RFTN2: variants seen among roughly 807,000 people sequenced by gnomAD.
RFTN2 encodes the protein raftlin family member 2.
A neutral mutation model predicts 52.7 loss-of-function variants in RFTN2; 34 were observed. That is an observed-to-expected ratio of 0.64 (90% CI 0.49 to 0.86). RFTN2 has a LOEUF of 0.86. RFTN2 is among the 40% of genes least tolerant of loss of function. The pLI, the probability that RFTN2 is intolerant of heterozygous loss-of-function variation, is 0.00. For synonymous variants in RFTN2, 203 were observed against 217.7 expected, an observed-to-expected ratio of 0.93 and a Z score of 0.59; for missense variants, 536 against 600.1, an observed-to-expected ratio of 0.89 and a Z score of 1.12.
chr2:197,654,892 G>T (rs1305626912), intron 1 of RFTN2, among the ~76,000 whole-genome samples: 1 of 152,096 alleles, frequency 6.6e-6, no homozygotes, highest in African/African-American at 2.4e-5. Flanking sequence ...ACTTACTCTG[G>T]AGGCTGAGAT....
chr2:197,608,623 CTTTTTTTTTTT>C (rs57681105), intron 7 of RFTN2, among the ~76,000 whole-genome samples: 9 of 99,514 alleles, frequency 9.0e-5, no homozygotes, highest in African/African-American at 3.7e-4. Flanking sequence ...TGGGACCAGA[CTTTTTTTTTTT>C]TTTTTTTTTT....
intron 5 of RFTN2, among the ~76,000 whole-genome samples, chr2:197,625,663 T>TCTCTCCTCTCCTCTCCTCTCCTCTC (rs745983424): frequency 8.4e-5 from 4 of 47,410 alleles, no homozygotes; most frequent in African/African-American, 2.7e-4. Flanking sequence ...AAGAAATTCC[T>TCTCTCCTCTCCTCTCCTCTCCTCTC]CTCTCCTCTC....
intron 8 of RFTN2, among the ~76,000 whole-genome samples, chr2:197,577,915 C>T (rs2087445343): frequency 6.6e-6 from 1 of 152,120 alleles, no homozygotes; most frequent in Non-Finnish European, 1.5e-5. Flanking sequence ...TGGGATTTTG[C>T]CATGTTGGCC....
intron 8 of RFTN2, among the ~76,000 whole-genome samples, chr2:197,578,428 A>G (rs2087453773): frequency 6.6e-6 from 1 of 152,150 alleles, no homozygotes; most frequent in Admixed American, 6.5e-5. Context: ...CTCTGAGCCC[A>G]AGCCTGCATG....
chr2:197,672,182 A>G (rs1273647093), intron 1 of RFTN2, among the ~76,000 whole-genome samples: 1 of 152,224 alleles, frequency 6.6e-6, no homozygotes, highest in African/African-American at 2.4e-5. Flanking sequence ...CAGTTGGTAG[A>G]CTTGGCATAA....
chr2:197,663,954 C>G (rs1453288817), intron 1 of RFTN2, among the ~76,000 whole-genome samples: 1 of 152,042 alleles, frequency 6.6e-6, no homozygotes, highest in South Asian at 2.1e-4. Flanking sequence ...TACTTAGTAT[C>G]ACTTTTGTTG....
intron 8 of RFTN2, 116 bp from the exon 9 acceptor site, chr2:197,572,396 A>C (rs2087333944): frequency 3.0e-6 from 3 of 991,930 alleles, no homozygotes; most frequent in Non-Finnish European, 4.6e-6. Flanking sequence ...CCAGCTCTTC[A>C]AAATCCTGCT....
Position 197,631,016 on chromosome 2 carries a change from G to GCC in RFTN2, c.922_923insGG (p.Ser308TrpfsTer36). On this transcript the variant is annotated frameshift_variant, in exon 5 of 9. Coordinates refer to ENST00000295049, the MANE Select transcript of RFTN2 (RefSeq NM_144629.3). LOFTEE classifies it high-confidence loss of function. ...ATCATTAACATAAAACTTACCTTTAGATGTTTCCCAGAATACAAAAGAATC... is the reference window on the plus strand; with the variant it reads ...ATCATTAACATAAAACTTACCTTTAGCCATGTTTCCCAGAATACAAAAGAATC... 1 of 1,585,228 alleles carries GCC rather than the reference G, an allele frequency of 6.3e-7. No homozygotes were observed. The highest frequency in any genetic ancestry group is 8.7e-7 in the Non-Finnish European group (1 of 1,155,658).
chr2:197,623,852 C>T (rs779546215), intron 5 of RFTN2, among the ~76,000 whole-genome samples: 24 of 152,058 alleles, frequency 1.6e-4, no homozygotes, highest in Non-Finnish European at 8.8e-5. Flanking sequence ...TTAGTAGAGA[C>T]AGGGTTTCAC....
chr2:197,575,539 C>T (rs1332204420), intron 8 of RFTN2, among the ~76,000 whole-genome samples: 1 of 151,942 alleles, frequency 6.6e-6, no homozygotes, highest in Non-Finnish European at 1.5e-5. Flanking sequence ...TTACTGAGGG[C>T]AGAGAATGCT....
intron 1 of RFTN2, among the ~76,000 whole-genome samples, chr2:197,653,353 T>A (rs1273206546): frequency 6.6e-6 from 1 of 152,106 alleles, no homozygotes; most frequent in African/African-American, 2.4e-5. Flanking sequence ...GTCTTTCAAC[T>A]GTGCAAAATA....
At chr2:197,589,847 T>G (rs1229709107) in intron 8 of RFTN2, among the ~76,000 whole-genome samples, 2 of 152,182 alleles carry the variant, frequency 1.3e-5, no homozygotes, top group African/African-American at 4.8e-5. Flanking sequence ...AACAAAAGTT[T>G]TATATTTTGA....
intron 1 of RFTN2, among the ~76,000 whole-genome samples, chr2:197,675,052 A>G (rs1293701444): frequency 6.6e-6 from 1 of 152,208 alleles, no homozygotes; most frequent in Admixed American, 6.5e-5. Flanking sequence ...AAATCCTTCT[A>G]TAAATAAGTA....
chr2:197,646,051 A>G (rs1394277233), intron 2 of RFTN2, among the ~76,000 whole-genome samples: 1 of 152,170 alleles, frequency 6.6e-6, no homozygotes, highest in Non-Finnish European at 1.5e-5. Flanking sequence ...TTTAGAATGT[A>G]GAGATAGTTT....
At chr2:197,625,646 G>A (rs1370913586) in intron 5 of RFTN2, among the ~76,000 whole-genome samples, 1 of 119,478 alleles carries the variant, frequency 8.4e-6, no homozygotes, top group Non-Finnish European at 1.8e-5. Flanking sequence ...TTCTCATAAT[G>A]AGGGCAAAGA....
chr2:197,626,853 C>T (rs1446910241), intron 5 of RFTN2, among the ~76,000 whole-genome samples: 3 of 151,792 alleles, frequency 2.0e-5, no homozygotes, highest in Non-Finnish European at 4.4e-5. Context: ...CTCCTGACCT[C>T]GTAATCCGCC....
intron 5 of RFTN2, among the ~76,000 whole-genome samples, chr2:197,624,861 A>G (rs13430520): frequency 0.024 from 3,659 of 152,126 alleles, 146 homozygotes; most frequent in African/African-American, 0.084. Context: ...ACGTGGGAAG[A>G]TTGCTTGAAC....
chr2:197,591,256 G>T (rs1289377246), intron 8 of RFTN2, among the ~76,000 whole-genome samples: 3 of 152,144 alleles, frequency 2.0e-5, no homozygotes, highest in Non-Finnish European at 4.4e-5. Flanking sequence ...AGTGCCGATT[G>T]GTGTATTCAC....
intron 8 of RFTN2, 46 bp from the exon 9 acceptor site, chr2:197,572,326 G>A (rs745757573): frequency 6.3e-7 from 1 of 1,587,202 alleles, no homozygotes; most frequent in Non-Finnish European, 8.6e-7. Context: ...AAAGATGGGT[G>A]TTTCCTGTCC....
Sources: allele counts gnomAD v4.1 joint callset (sites outside exome capture counted in the v4.1 genomes callset), GRCh38; gene constraint gnomAD v4.1.1; transcripts MANE v1.5; gene names NCBI Gene and HGNC (gene_info 2026-07-23, HGNC 2026-07-21).